Variants in DNAH11 observed in about 807,000 individuals in gnomAD.
DNAH11 encodes dynein axonemal heavy chain 11.
In DNAH11, 442 loss-of-function variants were observed where a neutral mutation model predicts 526.0. The observed-to-expected ratio is 0.84, with a 90% CI of 0.78 to 0.91. The LOEUF is 0.91. Ranked by LOEUF, DNAH11 falls within the 40% of genes least tolerant of loss-of-function variation. The probability of loss-of-function intolerance (pLI) is 0.00; values close to 1 mark genes in which losing one functional copy is unlikely to be tolerated. For missense variants in DNAH11, 6,989 were observed against 5,448.7 expected, an observed-to-expected ratio of 1.28 and a Z score of -8.90; for synonymous variants, 2,461 against 1,935.9, an observed-to-expected ratio of 1.27 and a Z score of -7.12.
chr7:21,692,569 C>G (rs558300208), intron 35 of DNAH11, among the ~76,000 whole-genome samples: 140 of 152,300 alleles, frequency 9.2e-4, no homozygotes, highest in African/African-American at 3.0e-3. Flanking sequence ...GATCCATTCA[C>G]TAGTTGATGG....
chr7:21,877,874 CAAAAAAAAAAAAA>C (rs59694030), intron 74 of DNAH11, among the ~76,000 whole-genome samples: 1 of 66,608 alleles, frequency 1.5e-5, no homozygotes, highest in African/African-American at 6.9e-5. Flanking sequence ...GACTCCATCT[CAAAAAAAAAAAAA>C]AAAAAAAAAA....
At chr7:21,801,758 C>T (rs969269531) in intron 62 of DNAH11, among the ~76,000 whole-genome samples, 4 of 152,150 alleles carry the variant, frequency 2.6e-5, no homozygotes, top group Non-Finnish European at 4.4e-5. Flanking sequence ...TTTTAATATA[C>T]ATTTGCCATT....
At chr7:21,666,538 C>G (rs1472482741) in intron 30 of DNAH11, among the ~76,000 whole-genome samples, 1 of 151,986 alleles carries the variant, frequency 6.6e-6, no homozygotes, top group Non-Finnish European at 1.5e-5. Flanking sequence ...CCATCCTCTC[C>G]CTCTCAACAA....
At chr7:21,633,314 T>A (rs902482283) in intron 25 of DNAH11, among the ~76,000 whole-genome samples, 2 of 152,244 alleles carry the variant, frequency 1.3e-5, no homozygotes, top group African/African-American at 4.8e-5. Flanking sequence ...TCTGTCGATG[T>A]CCATTAGGTC....
At chr7:21,624,711 A>C (rs1293123758) in intron 25 of DNAH11, among the ~76,000 whole-genome samples, 2 of 152,158 alleles carry the variant, frequency 1.3e-5, no homozygotes, top group Non-Finnish European at 2.9e-5. Context: ...TATTGTGCTG[A>C]AGTACATTCT....
rs116063661 is a variant in DNAH11, at chr7:21,552,940, C to T, written c.496-5862C>T. ...CCCTTAGATATTGCACCAATCTGAACGACCCATTAGGCTTTTTGACTGAGA... is the reference window on the plus strand; with the variant it reads ...CCCTTAGATATTGCACCAATCTGAATGACCCATTAGGCTTTTTGACTGAGA... On this transcript the variant is annotated intron_variant, in intron 2 of 81. Transcript: ENST00000409508. Among the ~76,000 whole-genome samples the T allele has an allele frequency of 3.3e-3, 509 of 152,210 alleles. 3 individuals carry two copies. Among genetic ancestry groups the T allele is most frequent in the African/African-American group, 0.012 (484 of 41,532 alleles).
In DNAH11 at chr7:21,690,746, A is replaced by G. The variant is rs1783581144; in HGVS notation, c.5925-19A>G. ...TTCAATGAACACATTTAATTTCATC[A>G]ACATTCTTTTTATGGTAGATTTGTA... On this transcript the variant is annotated intron_variant, in intron 34 of 81. Coordinates refer to ENST00000409508, the MANE Select transcript of DNAH11 (RefSeq NM_001277115.2). 2 of 1,571,108 alleles carry G rather than the reference A, an allele frequency of 1.3e-6. No homozygotes were observed. Among genetic ancestry groups the G allele is most frequent in the Non-Finnish European group, 1.7e-6 (2 of 1,146,434 alleles).
At chr7:21,544,498 G>A (rs1782733110) in intron 1 of DNAH11, among the ~76,000 whole-genome samples, 1 of 152,170 alleles carries the variant, frequency 6.6e-6, no homozygotes, top group African/African-American at 2.4e-5. Context: ...TATTACCTAA[G>A]TTAAATAGTT....
chr7:21,805,382 A>G (rs1583715659), intron 62 of DNAH11, among the ~76,000 whole-genome samples: 2 of 152,092 alleles, frequency 1.3e-5, no homozygotes, highest in Admixed American at 1.3e-4. Flanking sequence ...AGCATATAGA[A>G]TAGTCCTGGC....
chr7:21,698,082 G>T lies in DNAH11; in HGVS notation c.6049G>T (p.Ala2017Ser), dbSNP rs1783924127. ...ENLKALFRPC[A>S]MVAPDIELIC... The stretch of plus-strand genomic sequence containing the variant: ...TTCTTATTTACTTTTTAGACCCTGT[G>T]CCATGGTGGCCCCTGACATTGAGCT... The change falls in exon 36 of 82, where the codon GCC (alanine) becomes TCC (serine). Residue 2017 changes from alanine (A) to serine (S), a missense_variant. By Grantham distance (99) the Ala-to-Ser change is moderately conservative (BLOSUM62 1). Coordinates refer to ENST00000409508, the MANE Select transcript of DNAH11 (RefSeq NM_001277115.2). The T allele has an allele frequency of 3.1e-6, 5 of 1,611,782 alleles. No homozygotes were observed. The East Asian group carries it at 1.1e-4, about 36-fold the overall frequency.
At chr7:21,641,862 G>C (rs940016448) in intron 28 of DNAH11, among the ~76,000 whole-genome samples, 1 of 152,108 alleles carries the variant, frequency 6.6e-6, no homozygotes, top group African/African-American at 2.4e-5. Flanking sequence ...CTCAGTACTA[G>C]TCCCCCTCCT....
intron 30 of DNAH11, among the ~76,000 whole-genome samples, chr7:21,679,464 C>G (rs997834383): frequency 1.3e-5 from 2 of 152,076 alleles, no homozygotes; most frequent in African/African-American, 4.8e-5. Context: ...CAATGTATAC[C>G]TACATCAAAA....
intron 2 of DNAH11, among the ~76,000 whole-genome samples, chr7:21,548,181 G>T (rs1782875027): frequency 7.7e-6 from 1 of 129,598 alleles, no homozygotes; most frequent in Admixed American, 7.3e-5. Flanking sequence ...GTGCCATCTG[G>T]GGCGGTATTC....
intron 5 of DNAH11, among the ~76,000 whole-genome samples, chr7:21,562,484 T>C (rs113796405): frequency 6.6e-6 from 1 of 152,118 alleles, no homozygotes; most frequent in Non-Finnish European, 1.5e-5. Context: ...GATGAAAATT[T>C]TCTCTGGCTA....
At chr7:21,816,753 G>A in intron 64 of DNAH11, 51 bp downstream of exon 64, 1 of 1,509,306 alleles carries the variant, frequency 6.6e-7, no homozygotes, top group Non-Finnish European at 9.1e-7. Flanking sequence ...TGTGAAGTGG[G>A]TCTGATTTTT....
chr7:21,682,004 C>A (rs986406251), intron 31 of DNAH11, among the ~76,000 whole-genome samples: 1 of 152,076 alleles, frequency 6.6e-6, no homozygotes, highest in African/African-American at 2.4e-5. Context: ...GGCCTGTGAG[C>A]CTCAACTCTG....
chr7:21,772,095 G>C (rs1787461383), intron 55 of DNAH11, among the ~76,000 whole-genome samples: 1 of 152,182 alleles, frequency 6.6e-6, no homozygotes, highest in Non-Finnish European at 1.5e-5. Context: ...GAAAAACAGT[G>C]TGAATTACAA....
chr7:21,769,571 G>A (rs752715456), intron 55 of DNAH11, among the ~76,000 whole-genome samples: 1 of 151,562 alleles, frequency 6.6e-6, no homozygotes, highest in Non-Finnish European at 1.5e-5. Context: ...TGCAACTTCC[G>A]CCTCTCGGGT....
intron 9 of DNAH11, 98 bp downstream of exon 9, chr7:21,582,119 AG>A: frequency 1.4e-6 from 1 of 730,910 alleles, no homozygotes; most frequent in Non-Finnish European, 2.3e-6. Context: ...AGTATTCACT[AG>A]GTTAACTAGT....
Sources: allele counts gnomAD v4.1 joint callset (sites outside exome capture counted in the v4.1 genomes callset), GRCh38; gene constraint gnomAD v4.1.1; transcripts MANE v1.5; gene names NCBI Gene and HGNC (gene_info 2026-07-23, HGNC 2026-07-21).